ACOXL: variants seen among roughly 807,000 people sequenced by gnomAD.
The protein encoded by ACOXL is acyl-CoA oxidase like.
A neutral mutation model predicts 71.9 loss-of-function variants in ACOXL; 70 were observed. The ratio of observed to expected loss-of-function variants is 0.97; its 90% CI spans 0.80 to 1.19. ACOXL has a LOEUF of 1.19. ACOXL is among the 50% of genes most tolerant of loss of function. The pLI is 0.00. For missense variants in ACOXL, 703 were observed against 736.3 expected (o/e 0.95, Z 0.52); for synonymous variants, 253 against 281.6 (o/e 0.90, Z 1.02).
chr2:111,095,926 T>C (rs536322130), intron 17 of ACOXL, among the ~76,000 whole-genome samples: 128 of 152,322 alleles, frequency 8.4e-4, no homozygotes, highest in African/African-American at 3.0e-3. Context: ...GCACAAATCC[T>C]TCCTTTCCCA....
chr2:110,915,424 A>AT lies in ACOXL; in HGVS notation c.905+6520dup, dbSNP rs1413512606. Among the ~76,000 whole-genome samples, 347 of 112,370 alleles carry AT rather than the reference A, an allele frequency of 3.1e-3. 7 individuals carry two copies. The highest frequency in any genetic ancestry group is 5.0e-3 in the South Asian group (19 of 3,808). The allele number at this position is 112,370 out of a possible 152,430, so 73.7% of individuals were successfully genotyped here. On this transcript the variant is annotated intron_variant, in intron 11 of 17. Transcript: ENST00000439055. ...TGTATATACATATATATATATATAT[A>AT]TATATTTTTTTTTTTTTGAGATGGA...
intron 9 of ACOXL, among the ~76,000 whole-genome samples, chr2:110,830,183 C>T (rs1292725836): frequency 6.6e-6 from 1 of 152,212 alleles, no homozygotes; most frequent in South Asian, 2.1e-4. Flanking sequence ...AAAGCACTTA[C>T]ATCAAACATT....
intron 10 of ACOXL, among the ~76,000 whole-genome samples, chr2:110,898,457 A>C (rs1257646562): frequency 6.6e-6 from 1 of 152,216 alleles, no homozygotes; most frequent in African/African-American, 2.4e-5. Flanking sequence ...AGTCAATTTG[A>C]TCTACCATAT....
chr2:110,818,002 C>G (rs1246962592), intron 9 of ACOXL, among the ~76,000 whole-genome samples: 5 of 146,752 alleles, frequency 3.4e-5, no homozygotes, highest in Non-Finnish European at 6.0e-5. Flanking sequence ...CAAATTATAC[C>G]TTTTACTGCC....
intron 12 of ACOXL, among the ~76,000 whole-genome samples, chr2:110,936,426 G>A (rs1292682027): frequency 6.6e-6 from 1 of 151,940 alleles, no homozygotes; most frequent in Non-Finnish European, 1.5e-5. Context: ...CCACTACACT[G>A]GCTAATTTAT....
Position 111,059,700 on chromosome 2 carries a change from G to C in ACOXL, c.1440+10412G>C, listed in dbSNP as rs528831120. 5.9e-5 allele frequency among the ~76,000 whole-genome samples: 9 copies of C among 151,892 alleles called. No individual in the cohort carries two copies. The East Asian group carries it at 1.7e-3, about 29-fold the overall frequency. On this transcript the variant is annotated intron_variant, in intron 16 of 17. Transcript: ENST00000439055. The stretch of plus-strand genomic sequence containing the variant: ...AGCAGGAACTCCCTGAATTTTGTTT[G>C]TGCCTCATACATTCCAGAGTTAGAG...
In ACOXL at chr2:110,757,488, G is replaced by A. The variant is rs76982727; in HGVS notation, c.-22-10880G>A. Reference sequence around the variant, plus strand: ...GAGGAATCACCACACTGTCTTCCATGGTGGTTGAACTAATTTACACTTTTA... The same window carrying A: ...GAGGAATCACCACACTGTCTTCCATAGTGGTTGAACTAATTTACACTTTTA... On this transcript the variant is annotated intron_variant, in intron 1 of 17. Transcript: ENST00000439055. 3.3e-3 allele frequency among the ~76,000 whole-genome samples: 503 copies of A among 152,124 alleles called. 4 individuals carry two copies. The highest frequency in any genetic ancestry group is 0.011 in the African/African-American group (477 of 41,500).
At chr2:110,938,821 A>AT (rs367911110) in intron 12 of ACOXL, among the ~76,000 whole-genome samples, 5 of 150,734 alleles carry the variant, frequency 3.3e-5, no homozygotes, top group South Asian at 2.1e-4. Flanking sequence ...TTGCTTTATT[A>AT]TTTTTTTACC....
chr2:110,747,286 GAC>G (rs544513645), intron 1 of ACOXL, among the ~76,000 whole-genome samples: 83 of 152,256 alleles, frequency 5.5e-4, no homozygotes, highest in Non-Finnish European at 3.4e-4. Context: ...AACAACTAGA[GAC>G]ATCCTTTGGG....
chr2:110,950,759 CTT>C (rs1279240755), intron 12 of ACOXL, among the ~76,000 whole-genome samples: 5 of 150,098 alleles, frequency 3.3e-5, no homozygotes, highest in African/African-American at 9.9e-5. Flanking sequence ...CAATTATAAA[CTT>C]TCTCCAGCAA....
chr2:111,114,637 G>C (rs1298475885), intron 17 of ACOXL, among the ~76,000 whole-genome samples: 1 of 152,088 alleles, frequency 6.6e-6, no homozygotes, highest in Non-Finnish European at 1.5e-5. Flanking sequence ...GTCCCTCCAA[G>C]TGTACTGGGC....
chr2:110,945,343 A>G (rs984845590), intron 12 of ACOXL, among the ~76,000 whole-genome samples: 9 of 147,922 alleles, frequency 6.1e-5, no homozygotes, highest in Admixed American at 2.7e-4. Context: ...CTTTCATGTA[A>G]TTAGGTCTCA....
intron 3 of ACOXL, among the ~76,000 whole-genome samples, chr2:110,789,038 C>T (rs1052407011): frequency 6.6e-6 from 1 of 152,242 alleles, no homozygotes; most frequent in Non-Finnish European, 1.5e-5. Context: ...TCCCTTTTCT[C>T]TCTCTCTCCA....
At chr2:110,741,961 C>T (rs987236053) in intron 1 of ACOXL, among the ~76,000 whole-genome samples, 1 of 152,192 alleles carries the variant, frequency 6.6e-6, no homozygotes, top group Non-Finnish European at 1.5e-5. Context: ...TTGCGAGTCT[C>T]ACAAACCTGC....
chr2:110,747,911 C>G (rs1308097417), intron 1 of ACOXL, among the ~76,000 whole-genome samples: 3 of 152,180 alleles, frequency 2.0e-5, no homozygotes, highest in Admixed American at 1.3e-4. Flanking sequence ...GGCCTCCTCT[C>G]TCTGCCCACA....
At chr2:110,967,623 A>T (rs1252425149) in intron 12 of ACOXL, among the ~76,000 whole-genome samples, 1 of 152,234 alleles carries the variant, frequency 6.6e-6, no homozygotes, top group Non-Finnish European at 1.5e-5. Context: ...ATATAATGTG[A>T]TACTGTGAGG....
intron 9 of ACOXL, among the ~76,000 whole-genome samples, chr2:110,834,676 C>T (rs933363229): frequency 6.6e-6 from 1 of 152,216 alleles, no homozygotes; most frequent in Non-Finnish European, 1.5e-5. Flanking sequence ...CAGGTTCTTG[C>T]TCGAGAGCTT....
chr2:110,887,797 C>T (rs920656889), intron 10 of ACOXL: 1 of 152,124 alleles, frequency 6.6e-6, no homozygotes, highest in Non-Finnish European at 1.5e-5. Flanking sequence ...TGTTGCCTTT[C>T]TAGTTTGAGT....
chr2:111,117,729 C>A lies in ACOXL; in HGVS notation c.1656C>A (p.Ala552=). 4 of 1,551,730 alleles carry A rather than the reference C, an allele frequency of 2.6e-6. No homozygotes were observed. Among genetic ancestry groups the A allele is most frequent in the Non-Finnish European group, 3.5e-6 (4 of 1,147,014 alleles). Residue 552 remains alanine, a synonymous_variant, in exon 18 of 18, where the codon GCC becomes GCA. Transcript: ENST00000439055. The part of the protein sequence containing the change: ...APIAGISNPR[A]AWAFYPAPLQ... ...TCGCCGGAATCTCCAACCCGCGGGC[C>A]GCGTGGGCTTTCTACCCTGCACCGC...
Sources: gnomAD v4.1 joint callset for allele counts (sites outside exome capture counted in the v4.1 genomes callset) on GRCh38, gnomAD v4.1.1 for gene constraint, MANE v1.5 for transcripts, NCBI Gene and HGNC (gene_info 2026-07-23, HGNC 2026-07-21) for gene names.